Variants in GZMM observed in about 807,000 individuals in gnomAD.
GZMM encodes granzyme M.
Under a neutral mutation model 19.2 loss-of-function variants are expected in GZMM, and 23 were observed. The ratio of observed to expected loss-of-function variants is 1.20; its 90% CI spans 0.86 to 1.69. The LOEUF (loss-of-function observed/expected upper bound fraction) is 1.69, where lower values mean the gene tolerates loss of function less well. Among genes scored for constraint, GZMM ranks in the 40% most tolerant of loss-of-function variants. The probability of loss-of-function intolerance (pLI) is 0.00; values close to 1 mark genes in which losing one functional copy is unlikely to be tolerated. For missense variants in GZMM, 373 were observed against 352.2 expected (o/e 1.06, Z -0.47); for synonymous variants, 178 against 160.2 (o/e 1.11, Z -0.84).
intron 1 of GZMM, among the ~76,000 whole-genome samples, chr19:545,866 A>G (rs1980261210): frequency 7.3e-6 from 1 of 136,912 alleles, no homozygotes; most frequent in South Asian, 2.3e-4. Context: ...GATGGTCTCG[A>G]TCTCCTGACC....
chr19:547,404 G>C lies in GZMM; in HGVS notation c.180G>C (p.Trp60Cys). 1 of 1,502,078 alleles carries C rather than the reference G, an allele frequency of 6.7e-7. No individual in the cohort carries two copies. Among genetic ancestry groups the C allele is most frequent in the Non-Finnish European group, 8.9e-7 (1 of 1,124,492 alleles). 93.0% of individuals were successfully genotyped at this position (1,502,078 alleles called of 1,614,324 possible). A position where few individuals can be genotyped will look rare whatever the true frequency, so the allele number is the denominator to read the frequency against. The change falls in exon 2 of 5, where the codon TGG becomes TGC. Residue 60 changes from tryptophan (W) to cysteine (C), a missense_variant. Coordinates refer to ENST00000264553, the MANE Select transcript of GZMM (RefSeq NM_005317.4). ...GGGGTGTCCTGGTGCACCCAAAGTG[G>C]GTGCTGACGGCTGCCCACTGCCTGG... is the stretch of plus-strand genomic sequence containing the variant. ...LCGGVLVHPK[W>C]VLTAAHCLAQ...
chr19:546,824 C>G (rs566634666), intron 1 of GZMM, among the ~76,000 whole-genome samples: 7 of 149,460 alleles, frequency 4.7e-5, no homozygotes, highest in South Asian at 4.3e-4. Flanking sequence ...GGTGACAGAG[C>G]GAGACTCTGT....
chr19:544,193 A>G, intron 1 of GZMM, 67 bp downstream of exon 1: 1 of 1,341,538 alleles, frequency 7.5e-7, no homozygotes, highest in East Asian at 2.5e-5. Flanking sequence ...CCTGGATGGG[A>G]GGGGTGGGCG....
chr19:549,120 AAC>A lies in GZMM; in HGVS notation c.548_549del (p.Asn183ArgfsTer23). The A allele has an allele frequency of 2.5e-6, 4 of 1,580,952 alleles. No individual in the cohort carries two copies. The highest frequency in any genetic ancestry group is 3.4e-6 in the Non-Finnish European group (4 of 1,164,700). On this transcript the variant is annotated frameshift_variant, in exon 4 of 5. Coordinates refer to ENST00000264553, the MANE Select transcript of GZMM (RefSeq NM_005317.4). LOFTEE classifies it high-confidence loss of function. ...CATGTGTAACAACAGCCGCTTCTGG[AAC>A]GGCAGCCTCTCCCCCAGCATGGTCT... ...TRMCNNSRFW[N>X]GSLSPSMVCL...
chr19:544,211 C>G, intron 1 of GZMM, 85 bp downstream of exon 1: 2 of 1,147,278 alleles, frequency 1.7e-6, no homozygotes, highest in Non-Finnish European at 1.3e-6. Flanking sequence ...GCGCGGGCGC[C>G]GACATCCTGG....
rs1381623069 is a variant in GZMM at position 548,867 on chromosome 19, C to T, written c.349-55C>T. ...CCCCTCCCCCCGCTGCCGCCCCCCG[C>T]CCCCGCACTCTCACCCCCTCCCCCT... On this transcript the variant is annotated intron_variant, in intron 3 of 4. Transcript: ENST00000264553. 14 of 898,944 alleles carry T rather than the reference C, an allele frequency of 1.6e-5. No homozygotes were observed. The Admixed American group carries it at 2.4e-4, about 15-fold the overall frequency. The allele number at this position is 898,944 out of a possible 1,614,324, so 55.7% of individuals were successfully genotyped here.
rs777605067 is a variant in GZMM at position 549,713 on chromosome 19, C to T, written c.696C>T (p.Asp232=). 3.7e-6 allele frequency: 6 copies of T among 1,613,732 alleles called. No individual in the cohort carries two copies. In the South Asian group the frequency reaches 5.5e-5, roughly 15 times the overall value. Residue 232 remains aspartate, a synonymous_variant, in exon 5 of 5, where the codon GAC becomes GAT. Coordinates refer to ENST00000264553, the MANE Select transcript of GZMM (RefSeq NM_005317.4). ...CCTTCAGCTCCAGGGTCTGCACTGA[C>T]ATCTTCAAGCCTCCCGTGGCCACCG... is the stretch of plus-strand genomic sequence containing the variant. ...VLSFSSRVCT[D]IFKPPVATAV...
At chr19:548,433 G>T in intron 2 of GZMM, 109 bp from the exon 3 acceptor site, 2 of 1,085,946 alleles carry the variant, frequency 1.8e-6, no homozygotes, top group Admixed American at 2.1e-5. Context: ...GAGGGGCAGC[G>T]GCTGTGAGTG....
At position 544,079 on chromosome 19, in the gene GZMM, C is replaced by A; in HGVS notation, c.8C>A (p.Ala3Asp). 6.5e-7 allele frequency: 1 copy of A among 1,548,624 alleles called. No individual in the cohort carries two copies. The highest frequency in any genetic ancestry group is 8.7e-7 in the Non-Finnish European group (1 of 1,146,904). ...CTGGGTCTCCACAGCGGCATGGAGG[C>A]CTGCGTGTCTTCACTGCTGGTGCTG... ME[A>D]CVSSLLVLAL... is the part of the protein sequence containing the mutation. The change falls in exon 1 of 5, where the codon GCC (alanine) becomes GAC (aspartate). Residue 3 changes from alanine to aspartate, a missense_variant. By Grantham distance (126) the Ala-to-Asp change is moderately radical. Coordinates refer to ENST00000264553, the MANE Select transcript of GZMM (RefSeq NM_005317.4).
In GZMM at chr19:548,957, G is replaced by A. The variant is rs746379644; in HGVS notation, c.384G>A (p.Arg128=). Residue 128 remains arginine, a synonymous_variant, in exon 4 of 5, where the codon CGG becomes CGA. Transcript: ENST00000264553. ...DGKVKPSRTI[R]PLALPSKRQV... is the part of the protein sequence containing the mutation. The stretch of plus-strand genomic sequence containing the variant: ...AAGTGAAGCCCAGCCGGACCATCCG[G>A]CCGTTGGCCCTGCCCAGTAAGCGCC... 6.3e-7 allele frequency: 1 copy of A among 1,595,312 alleles called. No homozygotes were observed.
In GZMM at chr19:548,538, C is replaced by A; in HGVS notation, c.213-4C>A. ...CGCAGCACCCTGATTCCCTCTGTCC[C>A]CAGGATGGCCCAGCTGAGGCTGGTG... is the stretch of plus-strand genomic sequence containing the variant. On this transcript the variant is annotated splice_polypyrimidine_tract_variant and splice_region_variant and intron_variant, in intron 2 of 4. Coordinates refer to ENST00000264553, the MANE Select transcript of GZMM (RefSeq NM_005317.4). 6.2e-7 allele frequency: 1 copy of A among 1,612,992 alleles called. No homozygotes were observed. Among genetic ancestry groups the A allele is most frequent in the East Asian group, 2.2e-5 (1 of 44,872 alleles).
intron 2 of GZMM, among the ~76,000 whole-genome samples, chr19:547,638 G>A (rs1450251270): frequency 1.3e-5 from 2 of 152,202 alleles, no homozygotes; most frequent in Non-Finnish European, 2.9e-5. Context: ...CACTGGCAGG[G>A]CCAGCTCCTT....
At position 544,132 on chromosome 19, in the gene GZMM, TGGGAGCCGGGATGCAGGG is replaced by T. The variant is rs1400140542; in HGVS notation, c.55+11_55+28del. On this transcript the variant is annotated splice_region_variant and intron_variant, in intron 1 of 4. Coordinates refer to ENST00000264553, the MANE Select transcript of GZMM (RefSeq NM_005317.4). Reference sequence around the variant, plus strand: ...CCTGGGGGCCCTGTCAGTAGGTGAGTGGGAGCCGGGATGCAGGGGGGACACTGAGGCCCAGCGCTCTCG... The same window carrying T: ...CCTGGGGGCCCTGTCAGTAGGTGAGTGGGACACTGAGGCCCAGCGCTCTCG... 1.9e-6 allele frequency: 3 copies of T among 1,545,360 alleles called. No homozygotes were observed. The highest frequency in any genetic ancestry group is 2.8e-5 in the African/African-American group (2 of 70,904).
chr19:544,710 C>A (rs58237252), intron 1 of GZMM, among the ~76,000 whole-genome samples: 37 of 20,254 alleles, frequency 1.8e-3, no homozygotes, highest in Non-Finnish European at 3.1e-3. Context: ...TCCATCATCC[C>A]TCCCTCCCTC....
In GZMM at chr19:544,932, C is replaced by T. The variant is rs535280997; in HGVS notation, c.55+806C>T. The stretch of plus-strand genomic sequence containing the variant: ...CCTTCCTCCCATTCTTCCACCCACC[C>T]GTCCATCCATCATCCATCCCTCCTT... On this transcript the variant is annotated intron_variant, in intron 1 of 4. Coordinates refer to ENST00000264553, the MANE Select transcript of GZMM (RefSeq NM_005317.4). Among the ~76,000 whole-genome samples, 8 of 137,862 alleles carry T rather than the reference C, an allele frequency of 5.8e-5. No homozygotes were observed. The South Asian group carries it at 1.8e-3, about 30-fold the overall frequency. 90.4% of individuals were successfully genotyped at this position (137,862 alleles called of 152,430 possible).
At chr19:546,864 TTA>T (rs770602460) in intron 1 of GZMM, among the ~76,000 whole-genome samples, 547 of 33,536 alleles carry the variant, frequency 0.016, 1 homozygote, top group Non-Finnish European at 0.047. Context: ...AAAGTTTTTT[TTA>T]AGAGACTGGG....
At chr19:548,791 C>A in intron 3 of GZMM, 114 bp downstream of exon 3, 1 of 506,188 alleles carries the variant, frequency 2.0e-6, no homozygotes, top group Non-Finnish European at 3.3e-6. Flanking sequence ...TGCTGCCCCT[C>A]CCCCCGCACT....
Position 549,044 on chromosome 19 carries a change from G to GC in GZMM, c.472dup (p.Arg158ProfsTer20). The GC allele has an allele frequency of 6.3e-7, 1 of 1,598,330 alleles. No individual in the cohort carries two copies. The highest frequency in any genetic ancestry group is 8.5e-7 in the Non-Finnish European group (1 of 1,174,146). On this transcript the variant is annotated frameshift_variant, in exon 4 of 5. Coordinates refer to ENST00000264553, the MANE Select transcript of GZMM (RefSeq NM_005317.4). LOFTEE classifies it high-confidence loss of function. ...GCTGGGGGCTGACCCACCAGGGCGG[G>GC]CGCCTGTCCCGGGTGCTGCGGGAGC...
chr19:545,646 C>CCGCAAGCGGGGACT (rs1980250008), intron 1 of GZMM, among the ~76,000 whole-genome samples: 1 of 148,220 alleles, frequency 6.7e-6, no homozygotes, highest in African/African-American at 2.5e-5. Flanking sequence ...CGCGCCCGGC[C>CCGCAAGCGGGGACT]TATTTTTTTT....
Sources: allele counts gnomAD v4.1 joint callset (sites outside exome capture counted in the v4.1 genomes callset), GRCh38; gene constraint gnomAD v4.1.1; transcripts MANE v1.5; gene names NCBI Gene and HGNC (gene_info 2026-07-23, HGNC 2026-07-21).